ARHGAP24: variants seen among roughly 807,000 people sequenced by gnomAD.
ARHGAP24 encodes Rho GTPase activating protein 24.
ARHGAP24 carries 50 observed loss-of-function variants against 76.4 expected under a neutral mutation model. That is an observed-to-expected ratio of 0.65 (90% CI 0.52 to 0.83). ARHGAP24 has a LOEUF of 0.83. Among genes scored for constraint, ARHGAP24 ranks in the 40% least tolerant of loss-of-function variants. ARHGAP24 has a pLI of 0.00. For missense variants in ARHGAP24, 930 were observed against 914.2 expected, an observed-to-expected ratio of 1.02 and a Z score of -0.22; for synonymous variants, 345 against 323.3, an observed-to-expected ratio of 1.07 and a Z score of -0.72.
At chr4:85,630,300 C>A (rs1356111104) in intron 2 of ARHGAP24, among the ~76,000 whole-genome samples, 1 of 152,124 alleles carries the variant, frequency 6.6e-6, no homozygotes. Flanking sequence ...TCACTAGGTT[C>A]TTTAAGACTA....
At chr4:85,713,514 T>A (rs1724609241) in intron 2 of ARHGAP24, among the ~76,000 whole-genome samples, 1 of 152,168 alleles carries the variant, frequency 6.6e-6, no homozygotes, top group South Asian at 2.1e-4. Context: ...GTCCTACATC[T>A]ATGTTTGATG....
chr4:85,598,978 C>CTA (rs199725054), intron 2 of ARHGAP24, among the ~76,000 whole-genome samples: 1,705 of 151,786 alleles, frequency 0.011, 36 homozygotes, highest in African/African-American at 0.039. Flanking sequence ...TTATATAAAA[C>CTA]TTAATAAGAT....
intron 2 of ARHGAP24, 150 bp downstream of exon 2, chr4:85,570,871 T>C: frequency 2.3e-6 from 2 of 873,644 alleles, no homozygotes; most frequent in Non-Finnish European, 3.5e-6. Flanking sequence ...CATTGCTTGC[T>C]TTGAGTTGGA....
At position 85,475,472 on chromosome 4, in the gene ARHGAP24, T is replaced by G. The variant is rs1292475486; in HGVS notation, c.-108T>G. 1 of 152,704 alleles carries G rather than the reference T, an allele frequency of 6.5e-6. No individual in the cohort carries two copies. Among genetic ancestry groups the G allele is most frequent in the African/African-American group, 2.4e-5 (1 of 41,392 alleles). The allele number at this position is 152,704 out of a possible 1,614,324, so 9.5% of individuals were successfully genotyped here. A position where few individuals can be genotyped will look rare whatever the true frequency, so the allele number is the denominator to read the frequency against. ...AAAGGAGCCTCACTACCACCTTTTT[T>G]TCTTTGCGTTTTCTTACTGCTGGTC... On this transcript the variant is annotated 5_prime_UTR_variant, in exon 1 of 10. Transcript: ENST00000395184.
chr4:85,938,166 T>A (rs75560044), intron 4 of ARHGAP24, among the ~76,000 whole-genome samples: 1 of 152,196 alleles, frequency 6.6e-6, no homozygotes, highest in African/African-American at 2.4e-5. Flanking sequence ...GTTCTCAGTC[T>A]AGTGAAAAGT....
At chr4:85,570,953 G>A (rs1326626952) in intron 2 of ARHGAP24, 2 of 447,364 alleles carry the variant, frequency 4.5e-6, no homozygotes, top group East Asian at 4.1e-5. Context: ...TATTTACTAA[G>A]CCAGAGGAGA....
At chr4:85,524,748 C>T (rs577111221) in intron 1 of ARHGAP24, among the ~76,000 whole-genome samples, 1 of 152,314 alleles carries the variant, frequency 6.6e-6, no homozygotes, top group East Asian at 1.9e-4. Context: ...TTTCATCTCC[C>T]CTCTGTGTAC....
intron 3 of ARHGAP24, among the ~76,000 whole-genome samples, chr4:85,761,637 T>G (rs1439533800): frequency 1.3e-5 from 2 of 152,108 alleles, no homozygotes; most frequent in African/African-American, 2.4e-5. Flanking sequence ...AATGTGTGGG[T>G]CAAATGAAGA....
At chr4:85,865,291 T>C (rs1247898227) in intron 3 of ARHGAP24, among the ~76,000 whole-genome samples, 1 of 151,930 alleles carries the variant, frequency 6.6e-6, no homozygotes, top group Non-Finnish European at 1.5e-5. Context: ...CCTAAAATTT[T>C]GTGAGTTGGC....
At chr4:85,596,715 A>G (rs971996122) in intron 2 of ARHGAP24, among the ~76,000 whole-genome samples, 5 of 152,128 alleles carry the variant, frequency 3.3e-5, no homozygotes, top group African/African-American at 1.2e-4. Flanking sequence ...TAATATTTGT[A>G]TATAAAACAG....
chr4:85,972,364 AG>A (rs1369299966), intron 6 of ARHGAP24, 196 bp downstream of exon 6: 2 of 659,730 alleles, frequency 3.0e-6, no homozygotes, highest in African/African-American at 1.8e-5. Flanking sequence ...TCAAAAAAAA[AG>A]AATATGGCTG....
intron 5 of ARHGAP24, among the ~76,000 whole-genome samples, chr4:85,964,412 G>T (rs535769975): frequency 6.6e-6 from 1 of 152,224 alleles, no homozygotes; most frequent in East Asian, 1.9e-4. Flanking sequence ...CAGTGGAAAG[G>T]TCTGATGCAG....
intron 2 of ARHGAP24, among the ~76,000 whole-genome samples, chr4:85,685,765 G>A (rs903940464): frequency 1.3e-5 from 2 of 152,150 alleles, no homozygotes; most frequent in African/African-American, 4.8e-5. Context: ...TTATGTTTCT[G>A]TTCCGTATCA....
intron 3 of ARHGAP24, among the ~76,000 whole-genome samples, chr4:85,858,821 T>A (rs937335451): frequency 5.3e-5 from 8 of 152,046 alleles, no homozygotes; most frequent in Non-Finnish European, 8.8e-5. Context: ...GATTTTATTT[T>A]ACCTGGAGAG....
chr4:85,493,669 T>G (rs1174964076), intron 1 of ARHGAP24, among the ~76,000 whole-genome samples: 1 of 152,232 alleles, frequency 6.6e-6, no homozygotes, highest in Non-Finnish European at 1.5e-5. Flanking sequence ...CTTCTTGTAC[T>G]CCATTTGATC....
At chr4:85,737,045 G>A (rs1322134786) in intron 3 of ARHGAP24, among the ~76,000 whole-genome samples, 1 of 152,110 alleles carries the variant, frequency 6.6e-6, no homozygotes, top group East Asian at 1.9e-4. Flanking sequence ...ATCAATTGAT[G>A]TGAAGGTACT....
Position 85,746,545 on chromosome 4 carries a change from G to T in ARHGAP24, c.268+24573G>T, listed in dbSNP as rs75228971. On this transcript the variant is annotated intron_variant, in intron 3 of 9. Coordinates refer to ENST00000395184, the MANE Select transcript of ARHGAP24 (RefSeq NM_001025616.3). Reference sequence around the variant, plus strand: ...TTCATGTCATACCCTAACCTCTATTGTGATGTCCTTGGAGGCAGGGGCTAT... The same window carrying T: ...TTCATGTCATACCCTAACCTCTATTTTGATGTCCTTGGAGGCAGGGGCTAT... 4.9e-3 allele frequency among the ~76,000 whole-genome samples: 748 copies of T among 151,928 alleles called. 6 individuals are homozygous for T. The highest frequency in any genetic ancestry group is 0.017 in the African/African-American group (700 of 41,416).
intron 1 of ARHGAP24, among the ~76,000 whole-genome samples, chr4:85,555,827 AG>A (rs1726335816): frequency 6.6e-6 from 1 of 151,938 alleles, no homozygotes; most frequent in South Asian, 2.1e-4. Flanking sequence ...GACTCAAGCC[AG>A]GGGGCCCTGC....
intron 3 of ARHGAP24, among the ~76,000 whole-genome samples, chr4:85,868,649 G>T (rs1201076642): frequency 6.6e-6 from 1 of 152,134 alleles, no homozygotes; most frequent in Non-Finnish European, 1.5e-5. Context: ...AAGAAAGTCT[G>T]AGTAAAGTCT....
Sources: gnomAD v4.1 joint callset for allele counts (sites outside exome capture counted in the v4.1 genomes callset) on GRCh38, gnomAD v4.1.1 for gene constraint, MANE v1.5 for transcripts, NCBI Gene and HGNC (gene_info 2026-07-23, HGNC 2026-07-21) for gene names.